MCM3AP: variants seen among roughly 807,000 people sequenced by gnomAD.
MCM3AP encodes germinal-center associated nuclear protein.
Under a neutral mutation model 184.1 loss-of-function variants are expected in MCM3AP, and 126 were observed. The ratio of observed to expected loss-of-function variants is 0.68; its 90% CI spans 0.59 to 0.79. The LOEUF (loss-of-function observed/expected upper bound fraction) is 0.79, where lower values mean the gene tolerates loss of function less well. Ranked by LOEUF, MCM3AP falls within the 30% of genes least tolerant of loss-of-function variation. MCM3AP has a pLI of 0.00. For missense variants in MCM3AP, 2,496 were observed against 2,479.2 expected, an observed-to-expected ratio of 1.01 and a Z score of -0.14; for synonymous variants, 1,002 against 979.3, an observed-to-expected ratio of 1.02 and a Z score of -0.43.
At chr21:46,272,950 C>G in intron 7 of MCM3AP, 121 bp from the exon 8 acceptor site, 1 of 945,826 alleles carries the variant, frequency 1.1e-6, no homozygotes, top group Non-Finnish European at 1.6e-6. Context: ...CCATGATGCA[C>G]ATTTTAATAG....
chr21:46,245,286 A>G, intron 22 of MCM3AP, 89 bp from the exon 23 acceptor site: 1 of 1,254,522 alleles, frequency 8.0e-7, no homozygotes, highest in Non-Finnish European at 1.1e-6. Flanking sequence ...AAGGTTGCCC[A>G]CAGCAGGTAA....
chr21:46,266,707 A>G, intron 10 of MCM3AP: 2 of 445,116 alleles, frequency 4.5e-6, no homozygotes, highest in Non-Finnish European at 8.1e-6. Context: ...AAGAATAAAG[A>G]AGGCCCTAAC....
chr21:46,276,252 C>T (rs1356074942), intron 5 of MCM3AP, among the ~76,000 whole-genome samples: 1 of 149,886 alleles, frequency 6.7e-6, no homozygotes, highest in Non-Finnish European at 1.5e-5. Flanking sequence ...CAGAGCAAGA[C>T]TCCATCTCGA....
intron 12 of MCM3AP, 128 bp from the exon 13 acceptor site, chr21:46,264,345 C>A (rs2081080161): frequency 3.2e-6 from 2 of 619,852 alleles, no homozygotes; most frequent in East Asian, 2.8e-5. Context: ...ACGGGGTCGG[C>A]TAGGCTGTTG....
At chr21:46,254,000 T>C (rs1453686366) in intron 19 of MCM3AP, 2 of 247,908 alleles carry the variant, frequency 8.1e-6, no homozygotes, top group Non-Finnish European at 1.6e-5. Context: ...CCCCCTTCTC[T>C]CTCTCTTCCT....
intron 6 of MCM3AP, 113 bp downstream of exon 6, chr21:46,275,073 T>C (rs1447773402): frequency 2.5e-6 from 3 of 1,204,382 alleles, no homozygotes; most frequent in South Asian, 1.8e-5. Flanking sequence ...TGATTGTTAA[T>C]AGCACAAATA....
chr21:46,284,663 G>C lies in MCM3AP; in HGVS notation c.624C>G (p.Thr208=), dbSNP rs781202659. 12 of 1,614,116 alleles carry C rather than the reference G, an allele frequency of 7.4e-6. No individual in the cohort carries two copies. The highest frequency in any genetic ancestry group is 1.0e-5 in the Non-Finnish European group (12 of 1,180,008). The change falls in exon 1 of 28, where the codon ACC becomes ACG. Residue 208 remains threonine (T), a synonymous_variant. Coordinates refer to ENST00000291688, the MANE Select transcript of MCM3AP (RefSeq NM_003906.5). The part of the protein sequence containing the change: ...TSSSATTSNF[T]FSKPVSSNNS... ...TATTACTACTAACAGGTTTTGAAAA[G>C]GTAAAATTTGAAGTGGTAGCTGAAC...
chr21:46,285,204 T>C lies in MCM3AP; in HGVS notation c.83A>G (p.Lys28Arg). ...AGGTTGACCAAATCGAAATGGCGGCTTAGATGGAAGTGTTCCTACATTACT... is the reference window on the plus strand; with the variant it reads ...AGGTTGACCAAATCGAAATGGCGGCCTAGATGGAAGTGTTCCTACATTACT... Reference protein sequence around the residue: ...SSSNVGTLPSKPPFRFGQPSL... With the variant: ...SSSNVGTLPSRPPFRFGQPSL... The change falls in exon 1 of 28, where the codon AAG (lysine) becomes AGG (arginine). Residue 28 changes from lysine to arginine, a missense_variant. Physicochemically the swap from Lys to Arg is conservative, Grantham distance 26. Around this residue, in one of 5 missense-constraint regions of MCM3AP, gnomAD observed 800 missense variants for 717.1 expected, o/e 1.12. Transcript: ENST00000291688. 6.2e-7 allele frequency: 1 copy of C among 1,614,242 alleles called. No homozygotes were observed. The highest frequency in any genetic ancestry group is 8.5e-7 in the Non-Finnish European group (1 of 1,180,040).
intron 16 of MCM3AP, 109 bp downstream of exon 16, chr21:46,258,830 C>T: frequency 8.2e-7 from 1 of 1,212,500 alleles, no homozygotes; most frequent in Non-Finnish European, 1.2e-6. Context: ...AACATTTTCC[C>T]TCATCCTTTT....
At chr21:46,244,549 A>G (rs2123825845) in intron 23 of MCM3AP, 1 of 519,832 alleles carries the variant, frequency 1.9e-6, no homozygotes, top group Non-Finnish European at 3.4e-6. Context: ...TTTCTCCTGA[A>G]GCTGAGTGAA....
intron 20 of MCM3AP, 108 bp downstream of exon 20, chr21:46,251,421 T>A: frequency 1.1e-6 from 1 of 941,106 alleles, no homozygotes; most frequent in Non-Finnish European, 1.5e-6. Flanking sequence ...TCCCAGTCTT[T>A]CAAAACCACA....
rs756615290 is a variant in MCM3AP at position 46,283,789 on chromosome 21, T to G, written c.1269A>C (p.Thr423=). Reference sequence around the variant, plus strand: ...AGGGAGACAAGCCCCCAAGACTGTCTGTGCTCTCGCTTCTGTTACTCTGAC... The same window carrying G: ...AGGGAGACAAGCCCCCAAGACTGTCGGTGCTCTCGCTTCTGTTACTCTGAC... ...PARQSNRSES[T]DSLGGLSPSE... is the part of the protein sequence containing the mutation. The change falls in exon 2 of 28, where the codon ACA becomes ACC. Residue 423 remains threonine (T), a synonymous_variant. Transcript: ENST00000291688. 6.2e-7 allele frequency: 1 copy of G among 1,614,152 alleles called. No homozygotes were observed. The highest frequency in any genetic ancestry group is 8.5e-7 in the Non-Finnish European group (1 of 1,180,036).
chr21:46,243,280 T>C (rs1251040798), intron 24 of MCM3AP, 185 bp downstream of exon 24: 1 of 776,898 alleles, frequency 1.3e-6, no homozygotes. Flanking sequence ...GTTCAGGCTC[T>C]ACCAGAAACT....
chr21:46,274,553 T>C lies in MCM3AP; in HGVS notation c.1998+633A>G, dbSNP rs76980759. ...AAAATGTTCATGACATAATTTTAAGTGGAAAAGATACACATAAAATTGTAT... is the reference window on the plus strand; with the variant it reads ...AAAATGTTCATGACATAATTTTAAGCGGAAAAGATACACATAAAATTGTAT... On this transcript the variant is annotated intron_variant, in intron 6 of 27. Transcript: ENST00000291688. Among the ~76,000 whole-genome samples, 16 of 152,184 alleles carry C rather than the reference T, an allele frequency of 1.1e-4. No individual in the cohort carries two copies. In the East Asian group the frequency reaches 3.1e-3, roughly 29 times the overall value.
At chr21:46,265,850 A>G in intron 11 of MCM3AP, 75 bp downstream of exon 11, 1 of 1,484,278 alleles carries the variant, frequency 6.7e-7, no homozygotes, top group Non-Finnish European at 9.0e-7. Context: ...GAAAATGCAG[A>G]TGCCCAGGCT....
At chr21:46,254,187 G>A (rs2080913211) in intron 19 of MCM3AP, 1 of 615,054 alleles carries the variant, frequency 1.6e-6, no homozygotes, top group African/African-American at 1.8e-5. Context: ...AATACACCAA[G>A]TTTATGGAAT....
At position 46,256,865 on chromosome 21, in the gene MCM3AP, G is replaced by A. The variant is rs772621440; in HGVS notation, c.3856C>T (p.Pro1286Ser). 4 of 1,585,720 alleles carry A rather than the reference G, an allele frequency of 2.5e-6. No homozygotes were observed. The highest frequency in any genetic ancestry group is 1.1e-5 in the South Asian group (1 of 87,300). Residue 1286 changes from proline (P) to serine (S), a missense_variant, in exon 17 of 28, where the codon CCC becomes TCC. By Grantham distance (74) the Pro-to-Ser change is moderately conservative. Transcript: ENST00000291688. ...LRALAPSAEC[P>S]IAEENLARGL... ...CTGGCCAGGTTCTCTTCAGCAATGG[G>A]GCACTCTGCGCTGGGCGCCAGCGCC...
intron 7 of MCM3AP, 86 bp downstream of exon 7, chr21:46,273,302 A>G: frequency 7.8e-7 from 1 of 1,283,476 alleles, no homozygotes; most frequent in South Asian, 1.3e-5. Flanking sequence ...GTTACAGATA[A>G]AATATATAAC....
chr21:46,266,658 G>A (rs2081116386), intron 10 of MCM3AP: 1 of 331,664 alleles, frequency 3.0e-6, no homozygotes, highest in Non-Finnish European at 5.6e-6. Flanking sequence ...CCAGCCGTCA[G>A]AGGTTGTCCG....
Sources: allele counts gnomAD v4.1 joint callset (sites outside exome capture counted in the v4.1 genomes callset), GRCh38; gene constraint gnomAD v4.1.1; regional missense constraint gnomAD v4.1.1; transcripts MANE v1.5; gene names NCBI Gene and HGNC (gene_info 2026-07-23, HGNC 2026-07-21).